BASP1: variants seen among roughly 807,000 people sequenced by gnomAD.
The protein encoded by BASP1 is brain acid soluble protein 1.
A neutral mutation model predicts 2.2 loss-of-function variants in BASP1; 1 was observed. The observed-to-expected ratio is 0.46, with a 90% CI of 0.16 to 2.17. The LOEUF (loss-of-function observed/expected upper bound fraction) is 2.17. BASP1 is among the 30% of genes most tolerant of loss of function. The probability of loss-of-function intolerance (pLI) is 0.27; values close to 1 mark genes in which losing one functional copy is unlikely to be tolerated. For missense variants in BASP1, 352 were observed against 327.2 expected, an observed-to-expected ratio of 1.08 and a Z score of -0.58; for synonymous variants, 187 against 154.2, an observed-to-expected ratio of 1.21 and a Z score of -1.58.
Position 17,275,289 on chromosome 5 carries a change from A to G in BASP1, c.73A>G (p.Lys25Glu). Residue 25 changes from lysine to glutamate, a missense_variant, in exon 2 of 2, where the codon AAG becomes GAG. By Grantham distance (56) the Lys-to-Glu change is moderately conservative (BLOSUM62 1). Coordinates refer to ENST00000322611, the MANE Select transcript of BASP1 (RefSeq NM_006317.5). This position sits in a 1 kb window ranked among gnomAD's most constrained non-coding sequence, Gnocchi z 5.3. ...CGAGAAAGCCAAGGAGAAAGACAAG[A>G]AGGCCGAGGGCGCGGCGACGGAAGA... ...NDEKAKEKDK[K>E]AEGAATEEEG... 6.2e-7 allele frequency: 1 copy of G among 1,614,008 alleles called. No homozygotes were observed. The highest frequency in any genetic ancestry group is 8.5e-7 in the Non-Finnish European group (1 of 1,179,986).
chr5:17,276,633 G>GA lies in BASP1; in HGVS notation c.*752dup, dbSNP rs55917297. The stretch of plus-strand genomic sequence containing the variant: ...GTTCTGTTTATTGGTCAGTGGAAAT[G>GA]AAAAAAAAAAAAAAAAAAAGTCTGC... On this transcript the variant is annotated 3_prime_UTR_variant, in exon 2 of 2. Transcript: ENST00000322611. 39,524 of 104,926 alleles carry GA rather than the reference G, an allele frequency of 0.38. 8,514 individuals carry two copies. The highest frequency in any genetic ancestry group is 0.41 in the Admixed American group (3,222 of 7,788). 6.5% of individuals were successfully genotyped at this position (104,926 alleles called of 1,614,324 possible).
chr5:17,239,679 G>T (rs1739822031), intron 1 of BASP1, among the ~76,000 whole-genome samples: 1 of 152,086 alleles, frequency 6.6e-6, no homozygotes, highest in Non-Finnish European at 1.5e-5. Flanking sequence ...TCCTAGTTAG[G>T]ACCCAGTTAG....
chr5:17,271,548 T>A (rs574344813), intron 1 of BASP1, among the ~76,000 whole-genome samples: 1 of 152,342 alleles, frequency 6.6e-6, no homozygotes, highest in East Asian at 1.9e-4. Flanking sequence ...TGAATTTTGT[T>A]GCTGTGCTAC....
rs1439300824 is a variant in BASP1, at chr5:17,275,571, G to T, written c.355G>T (p.Ala119Ser). The change falls in exon 2 of 2, where the codon GCC (alanine) becomes TCC (serine). Residue 119 changes from alanine to serine, a missense_variant. Physicochemically the swap from Ala to Ser is moderately conservative, Grantham distance 99. Coordinates refer to ENST00000322611, the MANE Select transcript of BASP1 (RefSeq NM_006317.5). This position sits in a 1 kb window ranked among gnomAD's most constrained non-coding sequence, Gnocchi z 5.3. ...CCCCGGCCCCGCTGCGGGCGGCGAG[G>T]CCCCCAAAGCTGCTGAGGCCGCCGC... Reference protein sequence around the residue: ...AAPGPAAGGEAPKAAEAAAAP... With the variant: ...AAPGPAAGGESPKAAEAAAAP... 3.3e-5 allele frequency: 45 copies of T among 1,379,520 alleles called. No individual in the cohort carries two copies. The highest frequency in any genetic ancestry group is 3.7e-5 in the Non-Finnish European group (40 of 1,070,076). 85.5% of individuals were successfully genotyped at this position (1,379,520 alleles called of 1,614,324 possible).
intron 1 of BASP1, among the ~76,000 whole-genome samples, chr5:17,271,427 A>G (rs936475035): frequency 6.6e-6 from 1 of 152,172 alleles, no homozygotes; most frequent in Admixed American, 6.5e-5. Context: ...CGGTCTTTAA[A>G]GGACAGCTCC....
intron 1 of BASP1, among the ~76,000 whole-genome samples, chr5:17,263,695 A>T (rs937747006): frequency 2.0e-5 from 3 of 152,192 alleles, no homozygotes; most frequent in Admixed American, 2.0e-4. Flanking sequence ...TGGTTGTAGA[A>T]ATGTGAGTGT....
chr5:17,253,707 C>G (rs1740145993), intron 1 of BASP1, among the ~76,000 whole-genome samples: 1 of 152,156 alleles, frequency 6.6e-6, no homozygotes. Flanking sequence ...TGAAGACCCT[C>G]AATTACCAAA....
chr5:17,230,476 T>TA (rs1739609601), intron 1 of BASP1, among the ~76,000 whole-genome samples: 1 of 152,138 alleles, frequency 6.6e-6, no homozygotes, highest in Admixed American at 6.5e-5. Flanking sequence ...TAGTGATACT[T>TA]ACAGGGATTC....
intron 1 of BASP1, among the ~76,000 whole-genome samples, chr5:17,253,427 G>T (rs572152570): frequency 6.6e-6 from 1 of 152,212 alleles, no homozygotes; most frequent in South Asian, 2.1e-4. Flanking sequence ...TTCCCAGGCT[G>T]GTCTGGAACC....
At chr5:17,222,431 G>A (rs561122059) in intron 1 of BASP1, among the ~76,000 whole-genome samples, 50 of 152,216 alleles carry the variant, frequency 3.3e-4, no homozygotes, top group South Asian at 2.1e-4. Flanking sequence ...TTTGTGAAAC[G>A]CCTTTCCAGC....
In BASP1 at chr5:17,251,811, C is replaced by T. The variant is rs541679802; in HGVS notation, c.-9-23397C>T. 1.1e-4 allele frequency among the ~76,000 whole-genome samples: 16 copies of T among 152,070 alleles called. 1 individual carries two copies. In the South Asian group the frequency reaches 2.5e-3, roughly 24 times the overall value. The stretch of plus-strand genomic sequence containing the variant: ...GAGGGAGCAGAGGAGAAAGAAGGTT[C>T]GGGTAGGTGAGAAAGGTAGTGATGA... On this transcript the variant is annotated intron_variant, in intron 1 of 1. Coordinates refer to ENST00000322611, the MANE Select transcript of BASP1 (RefSeq NM_006317.5). This position sits in a 1 kb window ranked among gnomAD's most constrained non-coding sequence, Gnocchi z 4.0.
chr5:17,238,429 A>G (rs1376153351), intron 1 of BASP1, among the ~76,000 whole-genome samples: 2 of 151,922 alleles, frequency 1.3e-5, no homozygotes, highest in African/African-American at 4.8e-5. Context: ...ATTTGATGAA[A>G]CCTGTAGTTA....
At chr5:17,263,020 A>G (rs1046275744) in intron 1 of BASP1, among the ~76,000 whole-genome samples, 7 of 151,704 alleles carry the variant, frequency 4.6e-5, no homozygotes, top group Non-Finnish European at 7.4e-5. Flanking sequence ...CTAATTTTTT[A>G]TATTTTTTAG....
intron 1 of BASP1, among the ~76,000 whole-genome samples, chr5:17,265,116 T>G (rs1740391833): frequency 6.6e-6 from 1 of 152,240 alleles, no homozygotes; most frequent in Admixed American, 6.5e-5. Flanking sequence ...TGTAAAAATG[T>G]GTTAATGAAA....
At chr5:17,234,469 C>T (rs1105298) in intron 1 of BASP1, among the ~76,000 whole-genome samples, 41,039 of 152,060 alleles carry the variant, frequency 0.27, 6,507 homozygotes, top group Non-Finnish European at 0.37. Flanking sequence ...GGCATTTGTT[C>T]ATGTAGTTCT....
chr5:17,233,608 G>A (rs1739679470), intron 1 of BASP1, among the ~76,000 whole-genome samples: 1 of 152,158 alleles, frequency 6.6e-6, no homozygotes, highest in East Asian at 1.9e-4. Flanking sequence ...CCTACTGTAT[G>A]TTTTGTTTGG....
At chr5:17,224,082 T>C (rs1739441972) in intron 1 of BASP1, among the ~76,000 whole-genome samples, 1 of 152,208 alleles carries the variant, frequency 6.6e-6, no homozygotes, top group African/African-American at 2.4e-5. Flanking sequence ...GTCTTTGGAA[T>C]TTCAGCTATT....
intron 1 of BASP1, among the ~76,000 whole-genome samples, chr5:17,248,663 T>A (rs1740041806): frequency 6.6e-6 from 1 of 152,210 alleles, no homozygotes. Context: ...TTTTAAACTC[T>A]GAATGATGTC....
At chr5:17,263,727 C>T (rs1740365455) in intron 1 of BASP1, among the ~76,000 whole-genome samples, 1 of 152,164 alleles carries the variant, frequency 6.6e-6, no homozygotes, top group African/African-American at 2.4e-5. Flanking sequence ...TGTATGTGTA[C>T]TTTGTTCCCT....
Sources: gnomAD v4.1 joint callset for allele counts (sites outside exome capture counted in the v4.1 genomes callset) on GRCh38, gnomAD v4.1.1 for gene constraint, Gnocchi (gnomAD v3.1) non-coding constraint, MANE v1.5 for transcripts, NCBI Gene and HGNC (gene_info 2026-07-23, HGNC 2026-07-21) for gene names.